DOCK9: variants seen among roughly 807,000 people sequenced by gnomAD.
The protein encoded by DOCK9 is dedicator of cytokinesis protein 9.
Under a neutral mutation model 263.3 loss-of-function variants are expected in DOCK9, and 89 were observed. That is an observed-to-expected ratio of 0.34 (90% CI 0.28 to 0.40). The LOEUF (loss-of-function observed/expected upper bound fraction) is 0.40. Among genes scored for constraint, DOCK9 ranks in the 10% least tolerant of loss-of-function variants. The probability of loss-of-function intolerance (pLI) is 1.00; values close to 1 mark genes in which losing one functional copy is unlikely to be tolerated. For missense variants in DOCK9, 2,140 were observed against 2,603.4 expected (o/e 0.82, Z 3.87); for synonymous variants, 976 against 973.1 (o/e 1.00, Z -0.06).
At chr13:98,915,600 A>C in intron 7 of DOCK9, 97 bp from the exon 8 acceptor site, 1 of 1,215,692 alleles carries the variant, frequency 8.2e-7, no homozygotes, top group Non-Finnish European at 1.1e-6. Context: ...TCTCATTGGC[A>C]TTTAGAACCA....
chr13:99,065,354 C>A (rs1383250280), intron 1 of DOCK9, among the ~76,000 whole-genome samples: 1 of 152,154 alleles, frequency 6.6e-6, no homozygotes, highest in African/African-American at 2.4e-5. Context: ...TCTAATCCCA[C>A]CCAATCCCCA....
chr13:98,951,208 ACTC>A (rs1357782612), intron 2 of DOCK9, among the ~76,000 whole-genome samples: 1 of 152,088 alleles, frequency 6.6e-6, no homozygotes, highest in African/African-American at 2.4e-5. Flanking sequence ...AGGAAAAAAT[ACTC>A]CTCTCCAGTC....
intron 1 of DOCK9, among the ~76,000 whole-genome samples, chr13:99,036,982 G>T (rs1887956102): frequency 6.6e-6 from 1 of 152,130 alleles, no homozygotes; most frequent in Non-Finnish European, 1.5e-5. Context: ...ATATAATTGA[G>T]AATAAGATAC....
intron 1 of DOCK9, chr13:99,015,355 G>A: frequency 1.8e-6 from 2 of 1,140,388 alleles, no homozygotes; most frequent in South Asian, 1.8e-5. Flanking sequence ...ATACATATAA[G>A]TACACTTAAA....
intron 35 of DOCK9, among the ~76,000 whole-genome samples, chr13:98,851,375 A>G (rs1229496395): frequency 1.3e-5 from 2 of 152,070 alleles, no homozygotes; most frequent in Admixed American, 1.3e-4. Context: ...AGAGGAACAG[A>G]CTCTGGCTAC....
chr13:98,803,571 G>A (rs972678238), intron 49 of DOCK9, among the ~76,000 whole-genome samples: 3 of 152,128 alleles, frequency 2.0e-5, no homozygotes, highest in African/African-American at 4.8e-5. Context: ...GATGCTGCTG[G>A]TCCTGGACCA....
At chr13:98,908,840 G>A (rs143097312) in intron 9 of DOCK9, among the ~76,000 whole-genome samples, 3 of 152,096 alleles carry the variant, frequency 2.0e-5, no homozygotes, top group South Asian at 4.1e-4. Flanking sequence ...CGGCAAGCAC[G>A]CTTCTTTTTA....
intron 49 of DOCK9, among the ~76,000 whole-genome samples, chr13:98,802,138 G>A (rs2090184692): frequency 6.6e-6 from 1 of 152,138 alleles, no homozygotes; most frequent in African/African-American, 2.4e-5. Flanking sequence ...TGTTTCTGAG[G>A]AAGGAGGTCA....
chr13:99,073,335 CTT>C (rs1382306830), intron 1 of DOCK9, among the ~76,000 whole-genome samples: 1 of 147,268 alleles, frequency 6.8e-6, no homozygotes, highest in Non-Finnish European at 1.5e-5. Flanking sequence ...TCTCTCTCTT[CTT>C]TCTCTCCTCT....
intron 21 of DOCK9, among the ~76,000 whole-genome samples, chr13:98,884,454 T>C (rs2045357622): frequency 6.6e-6 from 1 of 152,248 alleles, no homozygotes; most frequent in South Asian, 2.1e-4. Flanking sequence ...AGGCTTTATT[T>C]AAGCATGTTA....
At chr13:98,928,578 T>C (rs1306348256) in intron 3 of DOCK9, among the ~76,000 whole-genome samples, 2 of 152,258 alleles carry the variant, frequency 1.3e-5, no homozygotes, top group Non-Finnish European at 2.9e-5. Context: ...TTAATAATTT[T>C]GCCACATGCT....
chr13:98,898,443 C>T (rs2297000), intron 13 of DOCK9, among the ~76,000 whole-genome samples, 182 bp from the exon 14 acceptor site: 2 of 152,032 alleles, frequency 1.3e-5, no homozygotes, highest in East Asian at 1.9e-4. Context: ...CTTTATTTAA[C>T]GCATTCTCTA....
chr13:98,916,300 A>G (rs2050880433), intron 7 of DOCK9, among the ~76,000 whole-genome samples: 1 of 152,196 alleles, frequency 6.6e-6, no homozygotes, highest in South Asian at 2.1e-4. Context: ...CAGACATTCC[A>G]AGATGTCCTC....
intron 1 of DOCK9, among the ~76,000 whole-genome samples, chr13:99,035,161 A>G (rs552091915): frequency 7.2e-5 from 11 of 152,110 alleles, no homozygotes; most frequent in African/African-American, 2.6e-4. Context: ...ATCAAATTCA[A>G]TAACATTAAT....
intron 39 of DOCK9, chr13:98,834,243 G>A (rs2092896772): frequency 6.6e-6 from 1 of 152,122 alleles, no homozygotes; most frequent in South Asian, 2.1e-4. Context: ...CAAATCTCGG[G>A]TGTCAAAATG....
At chr13:98,895,993 C>A (rs1308876162) in intron 15 of DOCK9, among the ~76,000 whole-genome samples, 2 of 152,164 alleles carry the variant, frequency 1.3e-5, no homozygotes, top group Non-Finnish European at 2.9e-5. Flanking sequence ...ACCCAGCAGG[C>A]CTCATCCTTC....
At chr13:98,850,826 G>A (rs2141512926) in intron 35 of DOCK9, among the ~76,000 whole-genome samples, 1 of 152,296 alleles carries the variant, frequency 6.6e-6, no homozygotes, top group South Asian at 2.1e-4. Context: ...ACCCTTAACA[G>A]TTTAGTATTA....
chr13:99,028,718 A>G (rs767072499), intron 1 of DOCK9, among the ~76,000 whole-genome samples: 60 of 152,346 alleles, frequency 3.9e-4, no homozygotes, highest in South Asian at 8.3e-4. Flanking sequence ...GCAACAGGTA[A>G]TGTGACTACC....
At chr13:98,932,457 G>A (rs189094456) in intron 2 of DOCK9, among the ~76,000 whole-genome samples, 1 of 152,208 alleles carries the variant, frequency 6.6e-6, no homozygotes, top group African/African-American at 2.4e-5. Flanking sequence ...AGTCATTAAA[G>A]CAGCATACAA....
Sources: allele counts gnomAD v4.1 joint callset (sites outside exome capture counted in the v4.1 genomes callset), GRCh38; gene constraint gnomAD v4.1.1; transcripts MANE v1.5; gene names NCBI Gene and HGNC (gene_info 2026-07-23, HGNC 2026-07-21).